PACRG: variants seen among roughly 807,000 people sequenced by gnomAD.
PACRG encodes the protein parkin coregulated gene protein.
Under a neutral mutation model 29.7 loss-of-function variants are expected in PACRG, and 29 were observed. That is an observed-to-expected ratio of 0.98 (90% confidence interval 0.73 to 1.33). PACRG has a LOEUF of 1.33. Ranked by LOEUF, PACRG falls within the 40% of genes most tolerant of loss-of-function variation. The pLI, the probability that PACRG is intolerant of heterozygous loss-of-function variation, is 0.00. For synonymous variants in PACRG, 116 were observed against 118.7 expected (o/e 0.98, Z 0.15); for missense variants, 279 against 316.2 (o/e 0.88, Z 0.89).
intron 2 of PACRG, among the ~76,000 whole-genome samples, chr6:162,937,007 A>C (rs558119249): frequency 6.6e-6 from 1 of 152,296 alleles, no homozygotes; most frequent in South Asian, 2.1e-4. Flanking sequence ...GAACGAGATA[A>C]ATGAGTTGAA....
intron 2 of PACRG, among the ~76,000 whole-genome samples, chr6:162,933,005 T>C (rs950313007): frequency 1.3e-5 from 2 of 152,052 alleles, no homozygotes; most frequent in African/African-American, 2.4e-5. Context: ...TGCTGTAAAC[T>C]TTCCTCTGTG....
intron 4 of PACRG, among the ~76,000 whole-genome samples, chr6:163,232,950 G>A (rs1782103615): frequency 6.6e-6 from 1 of 152,000 alleles, no homozygotes; most frequent in South Asian, 2.1e-4. Context: ...CTGAAATACT[G>A]CCCCTCACAC....
At chr6:162,885,795 T>C (rs561002211) in intron 2 of PACRG, among the ~76,000 whole-genome samples, 25 of 152,250 alleles carry the variant, frequency 1.6e-4, no homozygotes, top group African/African-American at 5.8e-4. Flanking sequence ...TGTGTATATA[T>C]ATAAAATAAT....
chr6:163,092,853 A>G (rs982679981), intron 4 of PACRG, among the ~76,000 whole-genome samples: 1 of 152,220 alleles, frequency 6.6e-6, no homozygotes, highest in African/African-American at 2.4e-5. Context: ...ATCATGCTCT[A>G]TGAATTATTA....
chr6:163,008,757 T>C (rs148840496), intron 2 of PACRG, among the ~76,000 whole-genome samples: 32 of 150,900 alleles, frequency 2.1e-4, no homozygotes, highest in African/African-American at 7.8e-4. Context: ...CTGAGAAATG[T>C]TTGAATTGGG....
At chr6:162,966,778 G>A (rs750028161) in intron 2 of PACRG, among the ~76,000 whole-genome samples, 4 of 148,142 alleles carry the variant, frequency 2.7e-5, no homozygotes, top group Non-Finnish European at 6.0e-5. Flanking sequence ...ACCCGGCCCC[G>A]ACATGTATTT....
At chr6:163,211,305 A>G (rs1781129879) in intron 4 of PACRG, among the ~76,000 whole-genome samples, 1 of 152,242 alleles carries the variant, frequency 6.6e-6, no homozygotes, top group South Asian at 2.1e-4. Context: ...TAATGAAAAC[A>G]TTAACACTTG....
intron 4 of PACRG, among the ~76,000 whole-genome samples, chr6:163,150,937 G>A (rs183727355): frequency 1.6e-4 from 24 of 152,194 alleles, no homozygotes; most frequent in South Asian, 2.1e-4. Context: ...TGCTCTGCCC[G>A]GGAACTTCAA....
rs911113792 is a variant in PACRG at position 162,853,083 on chromosome 6, C to T, written c.291+38802C>T. Among the ~76,000 whole-genome samples the T allele has an allele frequency of 6.6e-6, 1 of 152,148 alleles. No individual in the cohort carries two copies. Among genetic ancestry groups the T allele is most frequent in the Admixed American group, 6.5e-5 (1 of 15,268 alleles). ...TTTGGGATGGATGAGAGATTTCCTTCTTTTGTAAAGCGGCAGAACTATTGT... is the reference window on the plus strand; with the variant it reads ...TTTGGGATGGATGAGAGATTTCCTTTTTTTGTAAAGCGGCAGAACTATTGT... On this transcript the variant is annotated intron_variant, in intron 2 of 4. Coordinates refer to ENST00000366888, the MANE Select transcript of PACRG (RefSeq NM_001080379.2). The surrounding 1 kb of genome is among the most constrained non-coding windows in gnomAD (Gnocchi z 4.7).
intron 3 of PACRG, among the ~76,000 whole-genome samples, chr6:163,066,577 G>A (rs1474289093): frequency 4.6e-5 from 7 of 152,132 alleles, no homozygotes; most frequent in Non-Finnish European, 1.0e-4. Context: ...GGAAAACTGG[G>A]GTCTACACCC....
chr6:162,828,303 G>A (rs1367490920), intron 2 of PACRG, among the ~76,000 whole-genome samples: 1 of 152,140 alleles, frequency 6.6e-6, no homozygotes, highest in Non-Finnish European at 1.5e-5. Flanking sequence ...ACTGAATATT[G>A]CTGATTGCTG....
chr6:162,976,097 T>C (rs1161726688), intron 2 of PACRG, among the ~76,000 whole-genome samples: 1 of 152,058 alleles, frequency 6.6e-6, no homozygotes, highest in Non-Finnish European at 1.5e-5. Flanking sequence ...AAGTGTATGT[T>C]TGAGAAATCC....
intron 4 of PACRG, among the ~76,000 whole-genome samples, chr6:163,171,876 G>C (rs1195150737): frequency 1.3e-5 from 2 of 152,190 alleles, no homozygotes; most frequent in East Asian, 1.9e-4. Flanking sequence ...GGAAAAGTCA[G>C]CTTTCCCCTG....
chr6:163,215,444 T>C (rs1047256509), intron 4 of PACRG, among the ~76,000 whole-genome samples: 9 of 152,248 alleles, frequency 5.9e-5, no homozygotes, highest in African/African-American at 2.2e-4. Context: ...GTCAATTTAG[T>C]AGATTCCATT....
intron 2 of PACRG, among the ~76,000 whole-genome samples, chr6:163,037,887 G>C (rs1016241560): frequency 6.6e-6 from 1 of 152,186 alleles, no homozygotes; most frequent in African/African-American, 2.4e-5. Context: ...CTCCAACTAG[G>C]AAGACAAAGG....
chr6:162,767,753 G>A (rs1782909983), intron 1 of PACRG, among the ~76,000 whole-genome samples: 2 of 151,638 alleles, frequency 1.3e-5, no homozygotes, highest in East Asian at 1.9e-4. Flanking sequence ...TGATTACTTT[G>A]TTACTTATTA....
chr6:162,891,470 G>A (rs2128040294), intron 2 of PACRG, among the ~76,000 whole-genome samples: 1 of 152,234 alleles, frequency 6.6e-6, no homozygotes, highest in East Asian at 1.9e-4. Flanking sequence ...TGATTTGGCT[G>A]AGCTGAGACC....
At chr6:162,918,666 A>G (rs1009416802) in intron 2 of PACRG, among the ~76,000 whole-genome samples, 2 of 152,210 alleles carry the variant, frequency 1.3e-5, no homozygotes, top group Non-Finnish European at 2.9e-5. Context: ...AAAAGAAGTT[A>G]CAACACATAT....
intron 4 of PACRG, among the ~76,000 whole-genome samples, chr6:163,284,649 T>G (rs2128184841): frequency 6.6e-6 from 1 of 152,318 alleles, no homozygotes; most frequent in South Asian, 2.1e-4. Context: ...TAAGTGCTCT[T>G]CCAGCATCTT....
Sources: gnomAD v4.1 joint callset for allele counts (sites outside exome capture counted in the v4.1 genomes callset) on GRCh38, gnomAD v4.1.1 for gene constraint, Gnocchi (gnomAD v3.1) non-coding constraint, MANE v1.5 for transcripts, NCBI Gene and HGNC (gene_info 2026-07-23, HGNC 2026-07-21) for gene names.